Variants in FMN2 observed in about 807,000 individuals in gnomAD.
The protein encoded by FMN2 is formin-2.
In FMN2, 51 loss-of-function variants were observed where a neutral mutation model predicts 142.3. The ratio of observed to expected loss-of-function variants is 0.36; its 90% confidence interval spans 0.29 to 0.45. The LOEUF is 0.45. FMN2 is among the 20% of genes least tolerant of loss of function. The pLI is 1.00. For synonymous variants in FMN2, 882 were observed against 869.8 expected (o/e 1.01, Z -0.25); for missense variants, 1,936 against 2,122.8 (o/e 0.91, Z 1.73).
chr1:240,245,394 T>C (rs1225358079), intron 6 of FMN2: 3 of 413,692 alleles, frequency 7.3e-6, no homozygotes, highest in Non-Finnish European at 1.5e-5. Flanking sequence ...AGGGTGGTGG[T>C]AGTGAAAGAG....
chr1:240,217,677 T>C (rs1666955686), intron 6 of FMN2, among the ~76,000 whole-genome samples: 1 of 152,104 alleles, frequency 6.6e-6, no homozygotes, highest in Non-Finnish European at 1.5e-5. Context: ...TTTTTGAAGA[T>C]GCTATTCCTA....
chr1:240,283,208 A>T (rs1486214639), intron 7 of FMN2, among the ~76,000 whole-genome samples: 1 of 152,046 alleles, frequency 6.6e-6, no homozygotes, highest in Non-Finnish European at 1.5e-5. Context: ...AAATAAATAA[A>T]AATTAAGGCA....
chr1:240,404,826 G>A (rs1674095745), intron 15 of FMN2, among the ~76,000 whole-genome samples: 1 of 152,018 alleles, frequency 6.6e-6, no homozygotes, highest in Non-Finnish European at 1.5e-5. Context: ...GGTGGAGATC[G>A]CTCCTGAAGT....
intron 14 of FMN2, among the ~76,000 whole-genome samples, chr1:240,383,415 A>G (rs1673296039): frequency 6.6e-6 from 1 of 152,184 alleles, no homozygotes. Context: ...ACAACTCAAC[A>G]AGAAGAAGAC....
intron 3 of FMN2, among the ~76,000 whole-genome samples, chr1:240,183,231 G>A (rs374264228): frequency 7.9e-5 from 12 of 151,646 alleles, no homozygotes; most frequent in African/African-American, 2.7e-4. Context: ...TCTGTGTTTT[G>A]TTCAAATGTT....
At position 240,352,626 on chromosome 1, in the gene FMN2, A is replaced by G. The variant is rs193076074; in HGVS notation, c.4766-3190A>G. ...AAACTGCTCAGAGACTTTTGGGAAC[A>G]CTGTGTCACCTGACGTTGCTAGAAA... On this transcript the variant is annotated intron_variant, in intron 13 of 17. Coordinates refer to ENST00000319653, the MANE Select transcript of FMN2 (RefSeq NM_020066.5). Among the ~76,000 whole-genome samples, 817 of 152,244 alleles carry G rather than the reference A, an allele frequency of 5.4e-3. 9 individuals are homozygous for G. The highest frequency in any genetic ancestry group is 7.0e-3 in the Non-Finnish European group (479 of 68,002).
intron 2 of FMN2, among the ~76,000 whole-genome samples, chr1:240,139,761 A>G (rs2103249779): frequency 6.6e-6 from 1 of 152,190 alleles, no homozygotes; most frequent in East Asian, 1.9e-4. Flanking sequence ...TGTGGTGGGA[A>G]GATGGGAGGT....
chr1:240,290,025 A>G (rs779112847), intron 7 of FMN2, among the ~76,000 whole-genome samples: 3 of 152,200 alleles, frequency 2.0e-5, no homozygotes, highest in Non-Finnish European at 4.4e-5. Flanking sequence ...ACACGTTAAT[A>G]GCAAAGACCA....
chr1:240,165,046 C>G (rs1468378383), intron 2 of FMN2, among the ~76,000 whole-genome samples: 1 of 152,162 alleles, frequency 6.6e-6, no homozygotes, highest in Non-Finnish European at 1.5e-5. Flanking sequence ...TCTTTGAATG[C>G]ACTAATTTTT....
chr1:240,413,510 A>G (rs1316935187), intron 15 of FMN2, among the ~76,000 whole-genome samples: 1 of 152,180 alleles, frequency 6.6e-6, no homozygotes, highest in East Asian at 1.9e-4. Context: ...GTTGGCCTTA[A>G]TTGGCTTAGG....
At chr1:240,169,679 C>T (rs548579219) in intron 2 of FMN2, among the ~76,000 whole-genome samples, 2 of 151,928 alleles carry the variant, frequency 1.3e-5, no homozygotes, top group East Asian at 1.9e-4. Context: ...CTTGCTATCT[C>T]GTCCTGGCTG....
chr1:240,210,063 T>C (rs1027952029), intron 5 of FMN2, among the ~76,000 whole-genome samples: 3 of 152,228 alleles, frequency 2.0e-5, no homozygotes, highest in African/African-American at 7.2e-5. Context: ...ATGGCACTTC[T>C]GTCCCTCATT....
chr1:240,306,044 G>A (rs113806717), intron 8 of FMN2, among the ~76,000 whole-genome samples: 1 of 151,010 alleles, frequency 6.6e-6, no homozygotes, highest in Admixed American at 6.6e-5. Flanking sequence ...CCACCTCCTG[G>A]GTTCAAGTGA....
At chr1:240,181,572 T>C (rs1235578976) in intron 3 of FMN2, among the ~76,000 whole-genome samples, 2 of 152,328 alleles carry the variant, frequency 1.3e-5, no homozygotes, top group African/African-American at 4.8e-5. Context: ...TGCAGATTCC[T>C]GGCAGTCCTT....
At chr1:240,220,092 G>T (rs1303999276) in intron 6 of FMN2, among the ~76,000 whole-genome samples, 1 of 152,182 alleles carries the variant, frequency 6.6e-6, no homozygotes, top group East Asian at 1.9e-4. Context: ...TCTCGAGATA[G>T]TGAGGAACTT....
intron 13 of FMN2, among the ~76,000 whole-genome samples, chr1:240,345,703 G>C (rs757954229): frequency 6.6e-6 from 1 of 151,958 alleles, no homozygotes; most frequent in African/African-American, 2.4e-5. Flanking sequence ...GGCTGGACTC[G>C]AACTCCTGGC....
intron 6 of FMN2, among the ~76,000 whole-genome samples, chr1:240,249,254 C>T (rs1286124360): frequency 6.6e-6 from 1 of 152,018 alleles, no homozygotes; most frequent in Non-Finnish European, 1.5e-5. Flanking sequence ...AGTTGTTAAT[C>T]CGTCTTGCAC....
At chr1:240,134,560 A>C (rs567027830) in intron 2 of FMN2, among the ~76,000 whole-genome samples, 2 of 152,234 alleles carry the variant, frequency 1.3e-5, no homozygotes, top group East Asian at 1.9e-4. Flanking sequence ...TTGAGGTTGC[A>C]ATGAGCTGTG....
intron 6 of FMN2, among the ~76,000 whole-genome samples, chr1:240,212,579 T>C (rs1666732873): frequency 6.6e-6 from 1 of 152,184 alleles, no homozygotes; most frequent in Middle Eastern, 3.2e-3. Context: ...CCAGTAGTGA[T>C]TAAAAACCAG....
Sources: gnomAD v4.1 joint callset for allele counts (sites outside exome capture counted in the v4.1 genomes callset) on GRCh38, gnomAD v4.1.1 for gene constraint, MANE v1.5 for transcripts, NCBI Gene and HGNC (gene_info 2026-07-23, HGNC 2026-07-21) for gene names.